KLHL20: variants seen among roughly 807,000 people sequenced by gnomAD.
The protein encoded by KLHL20 is kelch like family member 20.
Under a neutral mutation model 69.5 loss-of-function variants are expected in KLHL20, and 29 were observed. That is an observed-to-expected ratio of 0.42 (90% confidence interval 0.31 to 0.57). KLHL20 has a LOEUF of 0.57. Among genes scored for constraint, KLHL20 ranks in the 20% least tolerant of loss-of-function variants. The pLI is 0.18. For missense variants in KLHL20, 419 were observed against 776.0 expected, an observed-to-expected ratio of 0.54 and a Z score of 5.47; for synonymous variants, 253 against 265.2, an observed-to-expected ratio of 0.95 and a Z score of 0.45.
chr1:173,769,806 A>AG (rs1254367798), intron 8 of KLHL20, among the ~76,000 whole-genome samples: 1 of 151,520 alleles, frequency 6.6e-6, no homozygotes, highest in African/African-American at 2.4e-5. Flanking sequence ...AAAAAATTTA[A>AG]GGATACCCCA....
intron 3 of KLHL20, among the ~76,000 whole-genome samples, chr1:173,740,593 CTAT>C (rs1672760830): frequency 1.3e-5 from 2 of 152,060 alleles, no homozygotes; most frequent in South Asian, 4.1e-4. Context: ...GGTTGTATCA[CTAT>C]TATTGTCAGT....
chr1:173,728,117 CTT>C (rs1672068815), intron 2 of KLHL20, among the ~76,000 whole-genome samples: 2 of 152,152 alleles, frequency 1.3e-5, no homozygotes, highest in South Asian at 4.1e-4. Context: ...ATAAAACAGA[CTT>C]TAAACCAACA....
At chr1:173,768,561 G>T (rs1413734650) in intron 8 of KLHL20, among the ~76,000 whole-genome samples, 1 of 152,150 alleles carries the variant, frequency 6.6e-6, no homozygotes, top group Non-Finnish European at 1.5e-5. Context: ...AGTACAGGAG[G>T]TTAGCAGCAG....
At chr1:173,775,907 T>TG in intron 10 of KLHL20, 65 bp downstream of exon 10, 1 of 1,350,418 alleles carries the variant, frequency 7.4e-7, no homozygotes, top group Non-Finnish European at 1.1e-6. Context: ...GCAATAAACA[T>TG]GGGAGTGCAG....
intron 3 of KLHL20, among the ~76,000 whole-genome samples, chr1:173,746,264 A>T (rs1673054338): frequency 6.6e-6 from 1 of 152,170 alleles, no homozygotes; most frequent in Non-Finnish European, 1.5e-5. Flanking sequence ...GTCTTTGTCA[A>T]GTTAAGTATG....
chr1:173,756,987 T>G lies in KLHL20; in HGVS notation c.979T>G (p.Cys327Gly). 1 of 1,613,980 alleles carries G rather than the reference T, an allele frequency of 6.2e-7. No individual in the cohort carries two copies. The highest frequency in any genetic ancestry group is 8.5e-7 in the Non-Finnish European group (1 of 1,179,874). Reference protein sequence around the residue: ...GEVLFAVGGWCSGDAISSVER... With the variant: ...GEVLFAVGGWGSGDAISSVER... ...TGTTACTTCCCCAGTTGGTGGTTGGTGCAGTGGAGATGCCATTTCCAGTGT... is the reference window on the plus strand; with the variant it reads ...TGTTACTTCCCCAGTTGGTGGTTGGGGCAGTGGAGATGCCATTTCCAGTGT... The change falls in exon 7 of 12, where the codon TGC (cysteine) becomes GGC (glycine). Residue 327 changes from cysteine (C) to glycine (G), a missense_variant. By Grantham distance (159) the Cys-to-Gly change is radical. Around this residue, in one of 6 missense-constraint regions of KLHL20, gnomAD observed 99 missense variants for 240.7 expected, o/e 0.41. Coordinates refer to ENST00000209884, the MANE Select transcript of KLHL20 (RefSeq NM_014458.4).
chr1:173,718,751 C>G (rs982593469), intron 2 of KLHL20, among the ~76,000 whole-genome samples: 1 of 151,998 alleles, frequency 6.6e-6, no homozygotes, highest in African/African-American at 2.4e-5. Context: ...TAAGAAAATG[C>G]ATTTGAAAGG....
chr1:173,773,993 G>A (rs898295079), intron 8 of KLHL20, among the ~76,000 whole-genome samples: 2 of 130,278 alleles, frequency 1.5e-5, no homozygotes, highest in Non-Finnish European at 3.1e-5. Context: ...CAGCCTGGGC[G>A]ACAGACCAAG....
chr1:173,770,060 A>G (rs1647989788), intron 8 of KLHL20, among the ~76,000 whole-genome samples: 1 of 152,192 alleles, frequency 6.6e-6, no homozygotes, highest in Non-Finnish European at 1.5e-5. Context: ...TAAAAATGAA[A>G]TAGCAAAGTA....
intron 8 of KLHL20, among the ~76,000 whole-genome samples, chr1:173,768,355 T>C (rs552448054): frequency 6.6e-6 from 1 of 152,282 alleles, no homozygotes; most frequent in African/African-American, 2.4e-5. Flanking sequence ...TAAGAACATA[T>C]ATTTCATCCT....
intron 8 of KLHL20, among the ~76,000 whole-genome samples, chr1:173,768,623 G>C (rs987411142): frequency 2.6e-5 from 4 of 152,282 alleles, no homozygotes; most frequent in Admixed American, 2.6e-4. Flanking sequence ...AACAGATAGA[G>C]TAATAGATAG....
At chr1:173,734,603 A>G in intron 3 of KLHL20, 1 of 284,548 alleles carries the variant, frequency 3.5e-6, no homozygotes, top group Non-Finnish European at 6.7e-6. Context: ...GATACCTGGT[A>G]TCATGATTTA....
intron 2 of KLHL20, among the ~76,000 whole-genome samples, chr1:173,731,091 A>C (rs901401835): frequency 2.6e-5 from 4 of 152,244 alleles, no homozygotes; most frequent in Admixed American, 1.3e-4. Flanking sequence ...GAAGACATTT[A>C]TGCAGCCAAA....
intron 3 of KLHL20, chr1:173,742,012 C>A: frequency 1.9e-6 from 1 of 513,694 alleles, no homozygotes; most frequent in Middle Eastern, 5.0e-4. Flanking sequence ...GTATCATAGA[C>A]GACATTAATC....
intron 2 of KLHL20, among the ~76,000 whole-genome samples, chr1:173,731,654 G>C (rs1472446929): frequency 6.8e-6 from 1 of 147,018 alleles, no homozygotes; most frequent in African/African-American, 2.5e-5. Context: ...ACTTATAGGT[G>C]GGAATTGAAC....
At chr1:173,755,062 T>C (rs1474894525) in intron 5 of KLHL20, among the ~76,000 whole-genome samples, 2 of 149,930 alleles carry the variant, frequency 1.3e-5, no homozygotes, top group African/African-American at 4.9e-5. Flanking sequence ...TCTTTGTCTT[T>C]TTTTTTTTTT....
intron 3 of KLHL20, among the ~76,000 whole-genome samples, chr1:173,742,318 A>C (rs1672842087): frequency 6.6e-6 from 1 of 152,132 alleles, no homozygotes; most frequent in African/African-American, 2.4e-5. Flanking sequence ...TCAAAGTTAC[A>C]TACTTTTTAC....
intron 3 of KLHL20, among the ~76,000 whole-genome samples, chr1:173,747,599 G>T (rs1389597181): frequency 6.6e-6 from 1 of 151,926 alleles, no homozygotes; most frequent in Non-Finnish European, 1.5e-5. Flanking sequence ...GAGCAGATTT[G>T]AAATCCTTTC....
intron 2 of KLHL20, among the ~76,000 whole-genome samples, chr1:173,723,482 A>G (rs1243354301): frequency 6.6e-6 from 1 of 152,238 alleles, no homozygotes; most frequent in African/African-American, 2.4e-5. Context: ...TGCAATGCAC[A>G]TGCAATTTCT....
Sources: gnomAD v4.1 joint callset for allele counts (sites outside exome capture counted in the v4.1 genomes callset) on GRCh38, gnomAD v4.1.1 for gene constraint, gnomAD v4.1.1 regional missense constraint, MANE v1.5 for transcripts, NCBI Gene and HGNC (gene_info 2026-07-23, HGNC 2026-07-21) for gene names.